TMCO5A: variants seen among roughly 807,000 people sequenced by gnomAD.
TMCO5A encodes transmembrane and coiled-coil domain-containing protein 5A.
A neutral mutation model predicts 42.3 loss-of-function variants in TMCO5A; 34 were observed. The observed-to-expected ratio is 0.80, with a 90% CI of 0.61 to 1.07. TMCO5A has a LOEUF of 1.07. Among genes scored for constraint, TMCO5A ranks in the 50% least tolerant of loss-of-function variants. The pLI is 0.00. For missense variants in TMCO5A, 357 were observed against 327.9 expected (o/e 1.09, Z -0.69); for synonymous variants, 131 against 115.6 (o/e 1.13, Z -0.86).
intron 11 of TMCO5A, among the ~76,000 whole-genome samples, chr15:37,958,629 G>T (rs1271867039): frequency 7.2e-5 from 11 of 152,132 alleles, no homozygotes; most frequent in African/African-American, 2.4e-4. Context: ...ACAGATGCTG[G>T]GGAGAATGTG....
chr15:37,980,269 G>A, the TMCO5A span, among the ~76,000 whole-genome samples: 1 of 152,126 alleles, frequency 6.6e-6, no homozygotes. Context: ...GAGGTGTGAA[G>A]GAGTCTTGCT....
intron 11 of TMCO5A, among the ~76,000 whole-genome samples, chr15:37,959,843 GAAAT>G (rs1488710184): frequency 6.6e-6 from 1 of 151,738 alleles, no homozygotes; most frequent in African/African-American, 2.4e-5. Flanking sequence ...TCAGAAAAGA[GAAAT>G]AAAGAAAGAA....
At chr15:38,030,343 C>T in the TMCO5A span, among the ~76,000 whole-genome samples, 1 of 152,210 alleles carries the variant, frequency 6.6e-6, no homozygotes, top group African/African-American at 2.4e-5. Flanking sequence ...TTACCCTAGA[C>T]TTCTTCATCG....
At chr15:38,012,955 G>A in the TMCO5A span, among the ~76,000 whole-genome samples, 4 of 152,172 alleles carry the variant, frequency 2.6e-5, no homozygotes, top group Non-Finnish European at 5.9e-5. Context: ...AAACTTGGAA[G>A]GGGGCCTCTT....
At chr15:37,937,089 C>A in intron 4 of TMCO5A, 119 bp downstream of exon 4, 1 of 1,460,432 alleles carries the variant, frequency 6.8e-7, no homozygotes, top group South Asian at 1.4e-5. Context: ...TCTCAAAAGT[C>A]ATGATAAAAT....
At chr15:38,006,462 G>T in the TMCO5A span, among the ~76,000 whole-genome samples, 1 of 152,142 alleles carries the variant, frequency 6.6e-6, no homozygotes, top group Admixed American at 6.5e-5. Context: ...CTTGTTCACA[G>T]GGGATACGTA....
At chr15:37,958,962 C>A (rs10444814) in intron 11 of TMCO5A, among the ~76,000 whole-genome samples, 3 of 152,010 alleles carry the variant, frequency 2.0e-5, no homozygotes, top group South Asian at 2.1e-4. Flanking sequence ...AGTTCATGTA[C>A]TTTGCAGGGC....
chr15:37,948,887 C>T (rs1373025668), intron 11 of TMCO5A, among the ~76,000 whole-genome samples: 2 of 151,888 alleles, frequency 1.3e-5, no homozygotes, highest in East Asian at 3.9e-4. Flanking sequence ...GTGTCAAGGG[C>T]TTCTGATTCT....
rs149694001 is a variant in TMCO5A at position 37,963,725 on chromosome 15, T to G, written c.669-2900T>G. Among the ~76,000 whole-genome samples, 582 of 152,270 alleles carry G rather than the reference T, an allele frequency of 3.8e-3. 6 individuals are homozygous for G. Among genetic ancestry groups the G allele is most frequent in the African/African-American group, 0.012 (519 of 41,574 alleles). ...CTATTAGTAATTGTTTTATAAATTA[T>G]GGAGCTCCAATGTTAGGTGCATATA... On this transcript the variant is annotated intron_variant, in intron 11 of 11. Transcript: ENST00000559502.
the TMCO5A span, among the ~76,000 whole-genome samples, chr15:37,988,422 T>G: frequency 2.0e-5 from 3 of 152,038 alleles, no homozygotes; most frequent in African/African-American, 7.2e-5. Flanking sequence ...CTTTCCTTGT[T>G]TCTGATCTAA....
the TMCO5A span, among the ~76,000 whole-genome samples, chr15:38,005,632 A>T: frequency 6.6e-6 from 1 of 152,314 alleles, no homozygotes; most frequent in South Asian, 2.1e-4. Context: ...AACTTAGAGC[A>T]AAGTTAATAC....
chr15:37,981,333 GA>G, the TMCO5A span, among the ~76,000 whole-genome samples: 1 of 151,784 alleles, frequency 6.6e-6, no homozygotes, highest in East Asian at 1.9e-4. Flanking sequence ...TAAAAGATAA[GA>G]AAGGAAAAGA....
chr15:37,995,383 T>G, the TMCO5A span, among the ~76,000 whole-genome samples: 2 of 152,254 alleles, frequency 1.3e-5, no homozygotes, highest in Non-Finnish European at 1.5e-5. Flanking sequence ...CCTTACTTTC[T>G]CACTCCACAG....
chr15:38,022,333 A>G, the TMCO5A span, among the ~76,000 whole-genome samples: 1 of 152,234 alleles, frequency 6.6e-6, no homozygotes, highest in African/African-American at 2.4e-5. Flanking sequence ...GAAGAAATGC[A>G]AGCCAAGAAA....
the TMCO5A span, among the ~76,000 whole-genome samples, chr15:38,034,516 A>G: frequency 6.6e-6 from 1 of 152,208 alleles, no homozygotes; most frequent in Non-Finnish European, 1.5e-5. Flanking sequence ...TATCGAAACG[A>G]TGAATTTTAA....
At chr15:37,948,985 A>T (rs947246263) in intron 11 of TMCO5A, among the ~76,000 whole-genome samples, 2 of 151,978 alleles carry the variant, frequency 1.3e-5, no homozygotes, top group African/African-American at 4.8e-5. Flanking sequence ...AAGTAGAGGG[A>T]AAGGGGCTGT....
the TMCO5A span, chr15:38,024,696 G>A: frequency 3.3e-5 from 5 of 152,204 alleles, no homozygotes; most frequent in Non-Finnish European, 5.9e-5. Flanking sequence ...CTCATCAGAG[G>A]TGCCTGAAAA....
At chr15:38,036,716 C>T in the TMCO5A span, among the ~76,000 whole-genome samples, 3 of 152,132 alleles carry the variant, frequency 2.0e-5, no homozygotes, top group African/African-American at 7.2e-5. Context: ...AACTAAAACA[C>T]CACCTTTTCT....
chr15:37,982,629 CAT>C, the TMCO5A span, among the ~76,000 whole-genome samples: 16 of 93,726 alleles, frequency 1.7e-4, no homozygotes, highest in African/African-American at 5.8e-4. Flanking sequence ...TTATATCTAA[CAT>C]ATAATATAGA....
Sources: allele counts gnomAD v4.1 joint callset (sites outside exome capture counted in the v4.1 genomes callset), GRCh38; gene constraint gnomAD v4.1.1; transcripts MANE v1.5; gene names NCBI Gene and HGNC (gene_info 2026-07-23, HGNC 2026-07-21).